Variants in DSCAM observed in about 807,000 individuals in gnomAD.
The protein encoded by DSCAM is DS cell adhesion molecule.
In DSCAM, 47 loss-of-function variants were observed where a neutral mutation model predicts 217.7. The observed-to-expected ratio is 0.22, with a 90% CI of 0.17 to 0.28. DSCAM has a LOEUF of 0.28. Among genes scored for constraint, DSCAM ranks in the 10% least tolerant of loss-of-function variants. The pLI, the probability that DSCAM is intolerant of heterozygous loss-of-function variation, is 1.00. For synonymous variants in DSCAM, 1,056 were observed against 1,015.3 expected, an observed-to-expected ratio of 1.04 and a Z score of -0.76; for missense variants, 2,080 against 2,618.3, an observed-to-expected ratio of 0.79 and a Z score of 4.49.
At chr21:40,648,010 G>A (rs2089967715) in intron 3 of DSCAM, among the ~76,000 whole-genome samples, 1 of 152,078 alleles carries the variant, frequency 6.6e-6, no homozygotes, top group Non-Finnish European at 1.5e-5. Flanking sequence ...GAATTAACTT[G>A]GTGCATGCAA....
chr21:40,136,287 A>T (rs2837448), intron 18 of DSCAM, among the ~76,000 whole-genome samples: 46,652 of 152,140 alleles, frequency 0.31, 8,893 homozygotes, highest in South Asian at 0.5. Context: ...CTTTTCCTGA[A>T]TATATTTAAC....
chr21:40,281,647 A>G (rs1379027500), intron 10 of DSCAM, among the ~76,000 whole-genome samples: 1 of 152,222 alleles, frequency 6.6e-6, no homozygotes, highest in Non-Finnish European at 1.5e-5. Flanking sequence ...TCATACATGT[A>G]TGCTATTAAA....
intron 1 of DSCAM, among the ~76,000 whole-genome samples, chr21:40,725,525 A>G (rs2146515217): frequency 6.6e-6 from 1 of 152,338 alleles, no homozygotes; most frequent in East Asian, 1.9e-4. Flanking sequence ...GACTGTTCGT[A>G]TATGTGACTT....
chr21:40,676,043 T>C (rs1434265706), intron 3 of DSCAM, among the ~76,000 whole-genome samples: 4 of 152,210 alleles, frequency 2.6e-5, no homozygotes, highest in Non-Finnish European at 5.9e-5. Flanking sequence ...ATTTATAAAC[T>C]GATCAATAAC....
At chr21:40,556,212 C>T (rs1254014708) in intron 3 of DSCAM, among the ~76,000 whole-genome samples, 1 of 152,092 alleles carries the variant, frequency 6.6e-6, no homozygotes, top group Non-Finnish European at 1.5e-5. Flanking sequence ...TACTCTTGAA[C>T]AAAGCCACAG....
chr21:40,242,433 G>T (rs752302650), intron 11 of DSCAM, among the ~76,000 whole-genome samples: 2 of 152,144 alleles, frequency 1.3e-5, no homozygotes, highest in Admixed American at 6.5e-5. Flanking sequence ...CAACCAATGA[G>T]CTGTCAGCAG....
intron 1 of DSCAM, among the ~76,000 whole-genome samples, chr21:40,750,602 C>T (rs2091218182): frequency 6.6e-6 from 1 of 152,128 alleles, no homozygotes; most frequent in Non-Finnish European, 1.5e-5. Flanking sequence ...CTGATCCAGA[C>T]CTCTTATCTA....
At chr21:40,760,800 T>C (rs1454001898) in intron 1 of DSCAM, among the ~76,000 whole-genome samples, 1 of 152,134 alleles carries the variant, frequency 6.6e-6, no homozygotes, top group Non-Finnish European at 1.5e-5. Flanking sequence ...GTGCCTGGCC[T>C]CCAGAATCTT....
intron 3 of DSCAM, among the ~76,000 whole-genome samples, chr21:40,514,419 C>T (rs192639830): frequency 1.5e-3 from 231 of 152,284 alleles, no homozygotes; most frequent in Non-Finnish European, 2.7e-3. Context: ...ACTGGATTAG[C>T]GAGAAAATGC....
rs116994069 is a variant in DSCAM at position 40,021,058 on chromosome 21, G to A, written c.5687-7672C>T. ...AGGGGAGGCTGAGATGAATAAGGCT[G>A]GGGGGGTGTGAGGGAGGATGGATGA... On this transcript the variant is annotated intron_variant, in intron 32 of 32. Transcript: ENST00000400454. 2.4e-4 allele frequency among the ~76,000 whole-genome samples: 36 copies of A among 151,696 alleles called. 2 individuals are homozygous for A. In the East Asian group the frequency reaches 7.0e-3, roughly 30 times the overall value.
intron 5 of DSCAM, among the ~76,000 whole-genome samples, chr21:40,350,856 G>A (rs2074622004): frequency 7.5e-6 from 1 of 133,978 alleles, no homozygotes; most frequent in African/African-American, 2.7e-5. Context: ...GCATTCAAAA[G>A]TGTTTAGCAA....
intron 3 of DSCAM, among the ~76,000 whole-genome samples, chr21:40,423,919 A>ATCT (rs1019352339): frequency 5.9e-5 from 9 of 152,318 alleles, no homozygotes; most frequent in African/African-American, 2.2e-4. Flanking sequence ...CTGGATAAAC[A>ATCT]TTTAGAGAAA....
intron 3 of DSCAM, among the ~76,000 whole-genome samples, chr21:40,665,029 C>T (rs1308966050): frequency 1.3e-5 from 2 of 152,172 alleles, no homozygotes; most frequent in Admixed American, 6.5e-5. Context: ...TCCTGCTTCA[C>T]CTTCTGCCAT....
At chr21:40,409,161 C>A (rs1179065248) in intron 3 of DSCAM, among the ~76,000 whole-genome samples, 1 of 152,158 alleles carries the variant, frequency 6.6e-6, no homozygotes, top group East Asian at 1.9e-4. Context: ...ACTGGCAATA[C>A]CTTTAGCTTC....
At chr21:40,138,855 TGGTGTGTGTGCATGTATATGTGG>T (rs1323013009) in intron 18 of DSCAM, among the ~76,000 whole-genome samples, 2 of 143,036 alleles carry the variant, frequency 1.4e-5, no homozygotes, top group Non-Finnish European at 3.1e-5. Context: ...GGTGTATGTG[TGGTGTGTGTGCATGTATATGTGG>T]GGTGTGTGTG....
At chr21:40,514,066 C>G (rs548695584) in intron 3 of DSCAM, among the ~76,000 whole-genome samples, 1 of 152,254 alleles carries the variant, frequency 6.6e-6, no homozygotes, top group Non-Finnish European at 1.5e-5. Flanking sequence ...TCAGGACAGA[C>G]AACCTGGGCA....
rs79192481 is a variant in DSCAM at position 40,638,720 on chromosome 21, C to A, written c.508+54090G>T. On this transcript the variant is annotated intron_variant, in intron 3 of 32. Coordinates refer to ENST00000400454, the MANE Select transcript of DSCAM (RefSeq NM_001389.5). ...ACTCAGCAATTACGAGAAAAATGAG[C>A]GGTAATTACACCCATTTTACTCGCG... Among the ~76,000 whole-genome samples the A allele has an allele frequency of 1.9e-4, 29 of 152,184 alleles. No individual in the cohort carries two copies. In the East Asian group the frequency reaches 4.8e-3, roughly 25 times the overall value.
intron 32 of DSCAM, among the ~76,000 whole-genome samples, chr21:40,038,905 A>T (rs1424411466): frequency 6.6e-6 from 1 of 151,082 alleles, no homozygotes; most frequent in Non-Finnish European, 1.5e-5. Context: ...TTCTCAGTAA[A>T]CTATCGCAAG....
chr21:40,362,281 T>G (rs1299342125), intron 4 of DSCAM, among the ~76,000 whole-genome samples: 1 of 152,060 alleles, frequency 6.6e-6, no homozygotes, highest in Non-Finnish European at 1.5e-5. Context: ...AAACTTAAAG[T>G]ATAATAATAA....
Sources: allele counts gnomAD v4.1 joint callset (sites outside exome capture counted in the v4.1 genomes callset), GRCh38; gene constraint gnomAD v4.1.1; transcripts MANE v1.5; gene names NCBI Gene and HGNC (gene_info 2026-07-23, HGNC 2026-07-21).